PDE4D: variants seen among roughly 807,000 people sequenced by gnomAD.
PDE4D encodes 3',5'-cyclic-AMP phosphodiesterase 4D.
Under a neutral mutation model 87.4 loss-of-function variants are expected in PDE4D, and 24 were observed. That is an observed-to-expected ratio of 0.27 (90% CI 0.20 to 0.39). The LOEUF (loss-of-function observed/expected upper bound fraction) is 0.39, where lower values mean the gene tolerates loss of function less well. Ranked by LOEUF, PDE4D falls within the 10% of genes least tolerant of loss-of-function variation. PDE4D has a pLI of 1.00. For synonymous variants in PDE4D, 384 were observed against 383.2 expected, an observed-to-expected ratio of 1.00 and a Z score of -0.02; for missense variants, 714 against 1,041.0, an observed-to-expected ratio of 0.69 and a Z score of 4.32.
Position 60,273,695 on chromosome 5 carries a change from A to G in PDE4D, c.-89-88008T>C, listed in dbSNP as rs759121083. ...GTGATAGAATCCACAGATCCTAACAACAAGTTCCATTTGGGGTGGAAAAGA... is the reference window on the plus strand; with the variant it reads ...GTGATAGAATCCACAGATCCTAACAGCAAGTTCCATTTGGGGTGGAAAAGA... On this transcript the variant is annotated intron_variant, in intron 1 of 16. Transcript: ENST00000502484. 2.0e-5 allele frequency among the ~76,000 whole-genome samples: 3 copies of G among 152,230 alleles called. No individual in the cohort carries two copies. In the South Asian group the frequency reaches 6.2e-4, roughly 32 times the overall value.
At chr5:59,045,096 A>G (rs1396405727) in intron 5 of PDE4D, among the ~76,000 whole-genome samples, 1 of 152,228 alleles carries the variant, frequency 6.6e-6, no homozygotes, top group East Asian at 1.9e-4. Flanking sequence ...GCACTCTCAC[A>G]GAAGGAAGCA....
At chr5:60,166,694 C>T (rs1257615892) in intron 2 of PDE4D, among the ~76,000 whole-genome samples, 1 of 152,064 alleles carries the variant, frequency 6.6e-6, no homozygotes. Context: ...TATTAGCATT[C>T]TTTTATTCCA....
chr5:59,973,407 C>T (rs1760986229), intron 3 of PDE4D, among the ~76,000 whole-genome samples: 1 of 152,146 alleles, frequency 6.6e-6, no homozygotes, highest in Non-Finnish European at 1.5e-5. Flanking sequence ...CTTTTCTCCT[C>T]AAAACATTCT....
chr5:59,147,160 G>C (rs1778786808), intron 5 of PDE4D, among the ~76,000 whole-genome samples: 1 of 152,180 alleles, frequency 6.6e-6, no homozygotes, highest in African/African-American at 2.4e-5. Context: ...CATGAAGCCA[G>C]TCCCTGGTGC....
At chr5:59,246,787 C>A (rs944078990) in intron 1 of PDE4D, among the ~76,000 whole-genome samples, 8 of 152,144 alleles carry the variant, frequency 5.3e-5, no homozygotes, top group African/African-American at 1.2e-4. Context: ...AATTTGGAAT[C>A]ATTGCAATTT....
At chr5:59,761,113 G>A (rs1472301616) in intron 1 of PDE4D, among the ~76,000 whole-genome samples, 3 of 152,084 alleles carry the variant, frequency 2.0e-5, no homozygotes, top group Non-Finnish European at 1.5e-5. Flanking sequence ...TGACTATTGT[G>A]GGCAATCATA....
intron 1 of PDE4D, among the ~76,000 whole-genome samples, chr5:60,514,537 T>C (rs767171843): frequency 1.1e-4 from 17 of 152,052 alleles, no homozygotes; most frequent in Non-Finnish European, 2.1e-4. Context: ...TGGTTTAACA[T>C]TCAAAATATC....
intron 3 of PDE4D, among the ~76,000 whole-genome samples, chr5:59,919,717 G>C (rs1053701840): frequency 4.6e-5 from 7 of 151,942 alleles, no homozygotes; most frequent in Non-Finnish European, 8.8e-5. Context: ...TTTTTCTTCG[G>C]CCCTCAGGTC....
In PDE4D at chr5:58,974,512, T is replaced by C. The variant is rs1266879465; in HGVS notation, c.*152A>G. 5 of 575,618 alleles carry C rather than the reference T, an allele frequency of 8.7e-6. No homozygotes were observed. Among genetic ancestry groups the C allele is most frequent in the Non-Finnish European group, 1.4e-5 (5 of 345,118 alleles). 35.7% of individuals were successfully genotyped at this position (575,618 alleles called of 1,614,324 possible). On this transcript the variant is annotated 3_prime_UTR_variant, in exon 15 of 15. Transcript: ENST00000340635. ...GTGAAAAAACTGGTTACGATATTCC[T>C]GAGCGCTGGACTGAGTAGTCAAGGT...
intron 5 of PDE4D, among the ~76,000 whole-genome samples, chr5:59,163,809 A>G (rs1781512118): frequency 6.6e-6 from 1 of 152,168 alleles, no homozygotes; most frequent in Non-Finnish European, 1.5e-5. Context: ...AATGTGTCTG[A>G]GGAATGTTTA....
chr5:60,199,446 G>A (rs1048152835), intron 1 of PDE4D, among the ~76,000 whole-genome samples: 2 of 151,764 alleles, frequency 1.3e-5, no homozygotes, highest in African/African-American at 2.4e-5. Context: ...AGGGATGAAT[G>A]AGGGATTGCA....
chr5:59,588,491 A>G (rs555699863), intron 1 of PDE4D, among the ~76,000 whole-genome samples: 32 of 152,344 alleles, frequency 2.1e-4, no homozygotes, highest in Non-Finnish European at 2.5e-4. Context: ...TAAATGGAAT[A>G]CCGGCAACAT....
chr5:59,121,608 A>G (rs551900507), intron 5 of PDE4D, among the ~76,000 whole-genome samples: 33 of 152,302 alleles, frequency 2.2e-4, no homozygotes, highest in Admixed American at 1.4e-3. Context: ...ACTCTTACAT[A>G]TCACCAGTGG....
At chr5:59,720,574 G>A (rs527751480) in intron 1 of PDE4D, among the ~76,000 whole-genome samples, 3 of 152,236 alleles carry the variant, frequency 2.0e-5, no homozygotes, top group Non-Finnish European at 4.4e-5. Flanking sequence ...TTTAGTGAGT[G>A]GTAACTAAAT....
At chr5:60,301,808 T>G (rs1753922063) in intron 1 of PDE4D, among the ~76,000 whole-genome samples, 1 of 152,178 alleles carries the variant, frequency 6.6e-6, no homozygotes, top group Middle Eastern at 3.2e-3. Context: ...TGGCTGTAGA[T>G]TTGTCATATA....
At chr5:60,372,926 T>C (rs574178409) in intron 1 of PDE4D, among the ~76,000 whole-genome samples, 2 of 152,364 alleles carry the variant, frequency 1.3e-5, no homozygotes, top group Non-Finnish European at 2.9e-5. Flanking sequence ...CTCCTTTGCC[T>C]TAGAGGCAGT....
chr5:60,004,663 C>T (rs930461509), intron 2 of PDE4D, among the ~76,000 whole-genome samples: 2 of 152,046 alleles, frequency 1.3e-5, no homozygotes, highest in African/African-American at 4.8e-5. Flanking sequence ...AGGCAAGGGA[C>T]TTGAATAGAC....
intron 2 of PDE4D, chr5:60,185,514 T>C (rs908842802): frequency 3.8e-6 from 5 of 1,319,366 alleles, no homozygotes; most frequent in Non-Finnish European, 4.2e-6. Context: ...AAATGTTATA[T>C]GTACATGTGT....
intron 6 of PDE4D, among the ~76,000 whole-genome samples, chr5:59,034,635 A>ATTTAAT (rs1194662671): frequency 6.6e-6 from 1 of 152,206 alleles, no homozygotes; most frequent in Non-Finnish European, 1.5e-5. Context: ...CAGCAAAGCA[A>ATTTAAT]TTTAATTTAT....
Sources: gnomAD v4.1 joint callset for allele counts (sites outside exome capture counted in the v4.1 genomes callset) on GRCh38, gnomAD v4.1.1 for gene constraint, MANE v1.5 for transcripts, NCBI Gene and HGNC (gene_info 2026-07-23, HGNC 2026-07-21) for gene names.